The following RBM41 variants were observed in gnomAD, a reference collection of about 807,000 sequenced individuals.
RBM41 encodes RNA binding motif protein 41.
RBM41 carries 14 observed loss-of-function variants against 30.8 expected under a neutral mutation model. That is an observed-to-expected ratio of 0.45 (90% confidence interval 0.30 to 0.71). The LOEUF is 0.71. Ranked by LOEUF, RBM41 falls within the 30% of genes least tolerant of loss-of-function variation. The probability of loss-of-function intolerance (pLI) is 0.08; values close to 1 mark genes in which losing one functional copy is unlikely to be tolerated. For synonymous variants in RBM41, 120 were observed against 110.1 expected, an observed-to-expected ratio of 1.09 and a Z score of -0.56; for missense variants, 276 against 326.3, an observed-to-expected ratio of 0.85 and a Z score of 1.19.
chrX:107,071,109 G>A (rs1349240774), intron 6 of RBM41, among the ~76,000 whole-genome samples: 1 of 106,476 alleles, frequency 9.4e-6, no homozygotes, highest in East Asian at 2.9e-4. Flanking sequence ...GTGATTGAAC[G>A]TAAGATGTTA....
At position 107,088,422 on chromosome X, in the gene RBM41, G is replaced by A. The variant is rs1437606305; in HGVS notation, c.999+14C>T. 4 of 1,194,984 alleles carry A rather than the reference G, an allele frequency of 3.3e-6. No individual in the cohort carries two copies. Among genetic ancestry groups the A allele is most frequent in the Admixed American group, 4.5e-5 (2 of 44,652 alleles). On this transcript the variant is annotated intron_variant, in intron 6 of 7. Transcript: ENST00000685964. ...GAAATCAACCCAGGTTGTTTTACTTGGTTTGGCCTATACCTTGTTTGGTTC... is the reference window on the plus strand; with the variant it reads ...GAAATCAACCCAGGTTGTTTTACTTAGTTTGGCCTATACCTTGTTTGGTTC...
rs1357259389 is a variant in RBM41, at chrX:107,086,836, T to C, written c.999+1600A>G. ...ACAAATCTTCAGGAAAGTGGATAAA[T>C]ATAACAAATGATGGTCTATTTCTAC... is the stretch of plus-strand genomic sequence containing the variant. On this transcript the variant is annotated intron_variant, in intron 6 of 7. Transcript: ENST00000685964. Among the ~76,000 whole-genome samples the C allele has an allele frequency of 2.7e-5, 3 of 112,135 alleles. No homozygotes were observed. The East Asian group carries it at 8.3e-4, about 31-fold the overall frequency.
At chrX:107,090,793 A>AT (rs1234961396) in intron 5 of RBM41, among the ~76,000 whole-genome samples, 6 of 109,195 alleles carry the variant, frequency 5.5e-5, no homozygotes, top group South Asian at 3.9e-4. Context: ...TATTTTATTT[A>AT]TTTTTTTTTA....
At chrX:107,077,663 GT>G (rs1457360717) in intron 6 of RBM41, among the ~76,000 whole-genome samples, 1 of 109,648 alleles carries the variant, frequency 9.1e-6, no homozygotes, top group Non-Finnish European at 1.9e-5. Flanking sequence ...AAGAAAAACA[GT>G]GCCTCCAAGT....
chrX:107,093,757 G>A (rs1445557987), intron 5 of RBM41, among the ~76,000 whole-genome samples: 1 of 111,424 alleles, frequency 9.0e-6, no homozygotes, highest in Non-Finnish European at 1.9e-5. Flanking sequence ...ATAAATCAAC[G>A]CAATAGAAAA....
intron 5 of RBM41, among the ~76,000 whole-genome samples, chrX:107,112,101 G>C (rs2147752678): frequency 9.0e-6 from 1 of 111,516 alleles, no homozygotes; most frequent in South Asian, 3.7e-4. Flanking sequence ...GAAAAGACAA[G>C]CTACAGACTG....
intron 5 of RBM41, among the ~76,000 whole-genome samples, chrX:107,096,547 A>C (rs1922981912): frequency 8.9e-6 from 1 of 112,179 alleles, no homozygotes; most frequent in South Asian, 3.7e-4. Context: ...CTGGACATCC[A>C]TATACAAAAA....
intron 6 of RBM41, among the ~76,000 whole-genome samples, chrX:107,078,578 A>C (rs1285966867): frequency 1.8e-5 from 2 of 111,049 alleles, no homozygotes; most frequent in African/African-American, 6.5e-5. Context: ...AATGTCAAAA[A>C]ACAACATAAA....
At chrX:107,069,174 T>A in intron 7 of RBM41, 81 bp downstream of exon 7, 1 of 854,304 alleles carries the variant, frequency 1.2e-6, no homozygotes, top group East Asian at 3.3e-5. Context: ...ATCAAAGGAC[T>A]ATATCTAAAT....
At chrX:107,054,205 C>T in the RBM41 span, among the ~76,000 whole-genome samples, 1 of 111,305 alleles carries the variant, frequency 9.0e-6, no homozygotes, top group Non-Finnish European at 1.9e-5. Context: ...AGTGAGCATG[C>T]CGTTCACATC....
intron 6 of RBM41, among the ~76,000 whole-genome samples, chrX:107,073,365 T>C (rs1936132896): frequency 8.9e-6 from 1 of 111,771 alleles, no homozygotes; most frequent in Admixed American, 9.5e-5. Context: ...GACATACAAA[T>C]TGCCAACAAA....
At chrX:107,115,804 A>C (rs1924837037) in intron 3 of RBM41, 58 bp downstream of exon 3, 1 of 1,106,334 alleles carries the variant, frequency 9.0e-7, no homozygotes, top group Non-Finnish European at 1.2e-6. Flanking sequence ...AAATGAAGAT[A>C]TTTTGCTCTG....
chrX:107,093,649 T>G (rs1922740697), intron 5 of RBM41, among the ~76,000 whole-genome samples: 1 of 111,341 alleles, frequency 9.0e-6, no homozygotes, highest in African/African-American at 3.3e-5. Flanking sequence ...AGAAGAATGG[T>G]TTCAAATTTA....
downstream of RBM41, among the ~76,000 whole-genome samples, chrX:107,057,358 G>A (rs1295482926): frequency 1.1e-5 from 1 of 94,060 alleles, no homozygotes; most frequent in East Asian, 4.1e-4. Flanking sequence ...ATAATTTTTG[G>A]TATGTTGTGT....
chrX:107,117,227 GGAAA>G (rs1441340735), intron 1 of RBM41, among the ~76,000 whole-genome samples: 1 of 111,929 alleles, frequency 8.9e-6, no homozygotes, highest in Non-Finnish European at 1.9e-5. Flanking sequence ...AGGAGAACAG[GGAAA>G]GAGAGTACAA....
At position 107,088,521 on chromosome X, in the gene RBM41, T is replaced by G. The variant is rs1046198631; in HGVS notation, c.914A>C (p.Asp305Ala). 12 of 1,209,732 alleles carry G rather than the reference T, an allele frequency of 9.9e-6. No individual in the cohort carries two copies. The highest frequency in any genetic ancestry group is 1.1e-5 in the Non-Finnish European group (10 of 895,067). The change falls in exon 6 of 8, where the codon GAT (aspartate) becomes GCT (alanine). Residue 305 changes from aspartate (D) to alanine (A), a missense_variant. By Grantham distance (126) the Asp-to-Ala change is moderately radical (BLOSUM62 -2). Transcript: ENST00000685964. The stretch of plus-strand genomic sequence containing the variant: ...TGACAAACGATTTCTCTGGATTTCA[T>G]CTTCTGGGACAAATTCTATTGGCTG... Reference protein sequence around the residue: ...LTQPIEFVPEDEIQRNRLSEE... With the variant: ...LTQPIEFVPEAEIQRNRLSEE...
chrX:107,071,519 A>G (rs1936065024), intron 6 of RBM41, among the ~76,000 whole-genome samples: 1 of 111,779 alleles, frequency 8.9e-6, no homozygotes, highest in Non-Finnish European at 1.9e-5. Context: ...AATATTACCA[A>G]ACCAAATTCA....
At chrX:107,086,760 TATG>T (rs771329922) in intron 6 of RBM41, among the ~76,000 whole-genome samples, 13 of 112,007 alleles carry the variant, frequency 1.2e-4, no homozygotes, top group Admixed American at 6.7e-4. Flanking sequence ...ACAAGAGGTG[TATG>T]ATAATACTTG....
Position 107,088,440 on chromosome X carries a change from T to C in RBM41, c.995A>G (p.Asn332Ser). The C allele has an allele frequency of 1.7e-6, 2 of 1,209,609 alleles. No individual in the cohort carries two copies. Among genetic ancestry groups the C allele is most frequent in the Non-Finnish European group, 2.2e-6 (2 of 893,970 alleles). Residue 332 changes from asparagine (N) to serine (S), a missense_variant, in exon 6 of 8, where the codon AAC becomes AGC. Physicochemically the swap from Asn to Ser is conservative, Grantham distance 46. Transcript: ENST00000685964. ...MFSSYNPGEP[N>S]KVLYLKNLSP... ...TTTACTTGGTTTGGCCTATACCTTGTTTGGTTCCCCTGGATTATATGAAGA... is the reference window on the plus strand; with the variant it reads ...TTTACTTGGTTTGGCCTATACCTTGCTTGGTTCCCCTGGATTATATGAAGA...
Sources: gnomAD v4.1 joint callset for allele counts (sites outside exome capture counted in the v4.1 genomes callset) on GRCh38, gnomAD v4.1.1 for gene constraint, MANE v1.5 for transcripts, NCBI Gene and HGNC (gene_info 2026-07-23, HGNC 2026-07-21) for gene names.